CPNE6: variants seen among roughly 807,000 people sequenced by gnomAD.
CPNE6 encodes copine 6.
CPNE6 carries 33 observed loss-of-function variants against 71.5 expected under a neutral mutation model. The observed-to-expected ratio is 0.46, with a 90% confidence interval of 0.35 to 0.62. The LOEUF is 0.62. Among genes scored for constraint, CPNE6 ranks in the 20% least tolerant of loss-of-function variants. The probability of loss-of-function intolerance (pLI) is 0.00; values close to 1 mark genes in which losing one functional copy is unlikely to be tolerated. For missense variants in CPNE6, 576 were observed against 747.3 expected (o/e 0.77, Z 2.67); for synonymous variants, 296 against 293.0 (o/e 1.01, Z -0.10).
At chr14:24,076,221 C>G in exon 12 of CPNE6, 1 of 1,614,218 alleles carries the variant, frequency 6.2e-7, no homozygotes, top group Non-Finnish European at 8.5e-7. Context: ...CAGTCCCCGA[C>G]AGCCCAACCA....
Position 24,074,958 on chromosome 14 carries a change from T to C in CPNE6, c.672+163T>C, listed in dbSNP as rs906445115. On this transcript the variant is annotated intron_variant, in intron 8 of 17. Transcript: ENST00000397016. This position sits in a 1 kb window ranked among gnomAD's most constrained non-coding sequence, Gnocchi z 4.5. ...ACAGCTCAATGTTAAACTTCCCACA[T>C]GTGTGCATTTTATCAGTGGCCAAAG... Among the ~76,000 whole-genome samples the C allele has an allele frequency of 6.6e-6, 1 of 152,154 alleles. No homozygotes were observed. The highest frequency in any genetic ancestry group is 2.4e-5 in the African/African-American group (1 of 41,418).
Position 24,077,444 on chromosome 14 carries a change from C to A in CPNE6, c.1536+54C>A, listed in dbSNP as rs916059112. 13 of 1,583,108 alleles carry A rather than the reference C, an allele frequency of 8.2e-6. No individual in the cohort carries two copies. Among genetic ancestry groups the A allele is most frequent in the African/African-American group, 6.7e-5 (5 of 74,296 alleles). On this transcript the variant is annotated intron_variant, in intron 16 of 17. Transcript: ENST00000397016. This position sits in a 1 kb window ranked among gnomAD's most constrained non-coding sequence, Gnocchi z 6.1. ...AGGACTCCTCAGCTTCTCATCCCCC[C>A]AAATCTGACCTTCGTCTTCCACCAT... is the stretch of plus-strand genomic sequence containing the variant.
Position 24,075,159 on chromosome 14 carries a change from C to T in CPNE6, c.673-13C>T, listed in dbSNP as rs150373138. 2.4e-3 allele frequency: 3,892 copies of T among 1,606,888 alleles called. 75 individuals are homozygous for T. In the African/African-American group the frequency reaches 0.042, roughly 18 times the overall value. On this transcript the variant is annotated splice_polypyrimidine_tract_variant and intron_variant, in intron 8 of 17. Transcript: ENST00000397016. The surrounding 1 kb of genome is among the most constrained non-coding windows in gnomAD (Gnocchi z 4.3). ...TCTCCAACCTGACCCCACCCCTCCC[C>T]CTGCCTTCTCAGTTCCTGGTGTATG...
chr14:24,075,447 G>C lies in CPNE6; in HGVS notation c.778-58G>C. The C allele has an allele frequency of 6.5e-7, 1 of 1,536,540 alleles. No homozygotes were observed. Among genetic ancestry groups the C allele is most frequent in the Non-Finnish European group, 8.9e-7 (1 of 1,117,928 alleles). The stretch of plus-strand genomic sequence containing the variant: ...TTGCTCTGGGAGGCTCTGCTGGAAG[G>C]GAGAAAGAGGGGTCACCTGATGGAC... On this transcript the variant is annotated intron_variant, in intron 9 of 17. Transcript: ENST00000397016. The surrounding 1 kb of genome is among the most constrained non-coding windows in gnomAD (Gnocchi z 4.3).
In CPNE6 at chr14:24,074,393, A is replaced by G. The variant is rs1389003244; in HGVS notation, c.498+28A>G. Reference sequence around the variant, plus strand: ...TGGAACCCCAGAGTCCAGGCCCCCAACTCCCCTGTCACTCCTAGGCCTCCC... The same window carrying G: ...TGGAACCCCAGAGTCCAGGCCCCCAGCTCCCCTGTCACTCCTAGGCCTCCC... On this transcript the variant is annotated intron_variant, in intron 6 of 17. Transcript: ENST00000397016. This position sits in a 1 kb window ranked among gnomAD's most constrained non-coding sequence, Gnocchi z 4.5. The G allele has an allele frequency of 1.3e-6, 2 of 1,547,920 alleles. No homozygotes were observed. The highest frequency in any genetic ancestry group is 1.7e-6 in the Non-Finnish European group (2 of 1,147,230).
Position 24,075,584 on chromosome 14 carries a change from A to G in CPNE6, c.857A>G (p.Gln286Arg), listed in dbSNP as rs2036034943. 2 of 1,609,910 alleles carry G rather than the reference A, an allele frequency of 1.2e-6. No individual in the cohort carries two copies. The highest frequency in any genetic ancestry group is 1.3e-5 in the African/African-American group (1 of 74,830). Residue 286 changes from glutamine (Q) to arginine (R), a missense_variant, in exon 10 of 18, where the codon CAG becomes CGG. Physicochemically the swap from Gln to Arg is conservative, Grantham distance 43. Around this residue, in one of 4 missense-constraint regions of CPNE6, gnomAD observed 214 missense variants for 291.2 expected, o/e 0.73. Transcript: ENST00000397016. The surrounding 1 kb of genome is among the most constrained non-coding windows in gnomAD (Gnocchi z 4.3). ...AGCTCAGGGACGGTAGTGCTGGCCC[A>G]GTGCACGGTAAATTTCACTTCCTGC...
chr14:24,071,511 A>G, intron 1 of CPNE6, 51 bp from the exon 1 acceptor site: 1 of 310,972 alleles, frequency 3.2e-6, no homozygotes, highest in Non-Finnish European at 4.7e-6. Context: ...GCCCCCCCCC[A>G]CCCCTCCCCA....
In CPNE6 at chr14:24,077,798, A is replaced by C; in HGVS notation, c.*37+31A>C. The C allele has an allele frequency of 1.4e-6, 2 of 1,444,042 alleles. No homozygotes were observed. The highest frequency in any genetic ancestry group is 1.8e-6 in the Non-Finnish European group (2 of 1,097,002). The allele number at this position is 1,444,042 out of a possible 1,614,324, so 89.5% of individuals were successfully genotyped here. A position where few individuals can be genotyped will look rare whatever the true frequency, so the allele number is the denominator to read the frequency against. ...TCCTGGGGCTTCCAAAGGAGTGGAC[A>C]CAGGGGGTGCAAAGTGGGGCTTGGT... is the stretch of plus-strand genomic sequence containing the variant. On this transcript the variant is annotated intron_variant, in intron 17 of 17. Transcript: ENST00000397016. This position sits in a 1 kb window ranked among gnomAD's most constrained non-coding sequence, Gnocchi z 6.1.
At chr14:24,071,106 T>A in intron 1 of CPNE6, 1 of 1,402,180 alleles carries the variant, frequency 7.1e-7, no homozygotes, top group East Asian at 2.5e-5. Context: ...CCTTAGCTAG[T>A]GTAACAATGT....
rs1177493473 is a variant in CPNE6 at position 24,074,125 on chromosome 14, G to A, written c.423G>A (p.Thr141=). The A allele has an allele frequency of 1.2e-6, 2 of 1,613,906 alleles. No homozygotes were observed. The highest frequency in any genetic ancestry group is 1.7e-5 in the Admixed American group (1 of 60,028). The change falls in exon 5 of 18, where the codon ACG becomes ACA. Residue 141 remains threonine (T), a splice_region_variant and synonymous_variant. Transcript: ENST00000397016. The surrounding 1 kb of genome is among the most constrained non-coding windows in gnomAD (Gnocchi z 4.5). The stretch of plus-strand genomic sequence containing the variant: ...AGACTGCGGGCAAGTCCACCATCAC[G>A]GTAGGCAAGATCACCTGTACTCACC...
Position 24,077,030 on chromosome 14 carries a change from G to A in CPNE6, c.1299+18G>A. 1.9e-6 allele frequency: 3 copies of A among 1,607,046 alleles called. No homozygotes were observed. Among genetic ancestry groups the A allele is most frequent in the Non-Finnish European group, 8.5e-7 (1 of 1,179,928 alleles). On this transcript the variant is annotated intron_variant, in intron 15 of 17. Transcript: ENST00000397016. The surrounding 1 kb of genome is among the most constrained non-coding windows in gnomAD (Gnocchi z 6.1). ...AAGCCACGGTAGGAAGACATGGCGG[G>A]CAAACAGGAGCTGTCCCATGTGTCT...
chr14:24,074,740 C>T lies in CPNE6; in HGVS notation c.617C>T (p.Pro206Leu), dbSNP rs1020837669. 7.4e-6 allele frequency: 12 copies of T among 1,614,044 alleles called. No individual in the cohort carries two copies. The highest frequency in any genetic ancestry group is 1.1e-5 in the South Asian group (1 of 91,068). Reference sequence around the variant, plus strand: ...AACAACCTGAACCCCAGCTGGGAGCCGTTCCGCCTGTCCCTGCATTCCCTA... The same window carrying T: ...AACAACCTGAACCCCAGCTGGGAGCTGTTCCGCCTGTCCCTGCATTCCCTA... Residue 206 changes from proline (P) to leucine (L), a missense_variant, in exon 8 of 18, where the codon CCG becomes CTG. By Grantham distance (98) the Pro-to-Leu change is moderately conservative. Around this residue, in one of 4 missense-constraint regions of CPNE6, gnomAD observed 214 missense variants for 291.2 expected, o/e 0.73. Transcript: ENST00000397016. This position sits in a 1 kb window ranked among gnomAD's most constrained non-coding sequence, Gnocchi z 4.5.
In CPNE6 at chr14:24,076,558, G is replaced by A. The variant is rs1366583581; in HGVS notation, c.1165+1G>A. On this transcript the variant is annotated splice_donor_variant, in intron 14 of 17. Transcript: ENST00000397016. LOFTEE classifies it high-confidence loss of function. ...GACCCGGAAAATCCTGAATGTGAAG[G>A]TAAAAGGGGAGATTTTCACCTGCCC... is the stretch of plus-strand genomic sequence containing the variant. The A allele has an allele frequency of 6.2e-7, 1 of 1,614,106 alleles. No homozygotes were observed. The highest frequency in any genetic ancestry group is 1.1e-5 in the South Asian group (1 of 91,086).
Position 24,075,992 on chromosome 14 carries a change from C to T in CPNE6, c.924+106C>T. 6.6e-7 allele frequency: 1 copy of T among 1,516,504 alleles called. No homozygotes were observed. Among genetic ancestry groups the T allele is most frequent in the Non-Finnish European group, 9.1e-7 (1 of 1,097,898 alleles). 93.9% of individuals were successfully genotyped at this position (1,516,504 alleles called of 1,614,324 possible). On this transcript the variant is annotated intron_variant, in intron 11 of 17. Coordinates refer to ENST00000397016, the Ensembl canonical transcript of CPNE6. The surrounding 1 kb of genome is among the most constrained non-coding windows in gnomAD (Gnocchi z 4.3). ...TGCCCCAACTTGGGCTGCTCATGAGCCTTCGCATTGTCAGCTTATGCACCC... is the reference window on the plus strand; with the variant it reads ...TGCCCCAACTTGGGCTGCTCATGAGTCTTCGCATTGTCAGCTTATGCACCC...
chr14:24,075,775 C>G lies in CPNE6; in HGVS notation c.865-52C>G. Reference sequence around the variant, plus strand: ...CCCACAGAAGCCCTACCCAAGCTCCCTCCTCAAAGGACCACCCCATCCCCT... The same window carrying G: ...CCCACAGAAGCCCTACCCAAGCTCCGTCCTCAAAGGACCACCCCATCCCCT... On this transcript the variant is annotated intron_variant, in intron 10 of 17. Coordinates refer to ENST00000397016, the Ensembl canonical transcript of CPNE6. The surrounding 1 kb of genome is among the most constrained non-coding windows in gnomAD (Gnocchi z 4.3). The G allele has an allele frequency of 6.4e-7, 1 of 1,567,320 alleles. No individual in the cohort carries two copies. The highest frequency in any genetic ancestry group is 8.8e-7 in the Non-Finnish European group (1 of 1,138,386).
chr14:24,072,849 GGGCCCAGGGACCCTAGA>G (rs1168783122), intron 2 of CPNE6, 67 bp from the exon 2 acceptor site: 1 of 1,264,584 alleles, frequency 7.9e-7, no homozygotes, highest in Admixed American at 3.6e-5. Flanking sequence ...TTAAGGGGTG[GGGCCCAGGGACCCTAGA>G]GGATAGACCC....
chr14:24,071,960 A>C (rs2035916004), intron 2 of CPNE6: 2 of 333,210 alleles, frequency 6.0e-6, no homozygotes, highest in Non-Finnish European at 1.1e-5. Flanking sequence ...AAACGGACAC[A>C]CGACATGGGG....
chr14:24,071,514 C>T, intron 1 of CPNE6, 48 bp from the exon 1 acceptor site: 2 of 1,507,748 alleles, frequency 1.3e-6, no homozygotes, highest in South Asian at 1.2e-5. Context: ...CCCCCCCACC[C>T]CTCCCCATCC....
At chr14:24,071,285 A>T in intron 1 of CPNE6, 1 of 1,319,788 alleles carries the variant, frequency 7.6e-7, no homozygotes, top group Non-Finnish European at 1.0e-6. Flanking sequence ...TTGAATGTGT[A>T]TGTGCATGCC....
Sources: allele counts gnomAD v4.1 joint callset (sites outside exome capture counted in the v4.1 genomes callset), GRCh38; gene constraint gnomAD v4.1.1; regional missense constraint gnomAD v4.1.1; non-coding constraint Gnocchi (gnomAD v3.1); transcripts MANE v1.5; gene names NCBI Gene and HGNC (gene_info 2026-07-23, HGNC 2026-07-21).